The following GNG12 variants were observed in gnomAD, a reference collection of about 807,000 sequenced individuals.
GNG12 encodes the protein guanine nucleotide-binding protein G(I)/G(S)/G(O) subunit gamma-12.
For missense variants in GNG12, 69 were observed against 83.8 expected, an observed-to-expected ratio of 0.82 and a Z score of 0.69; for synonymous variants, 28 against 29.7, an observed-to-expected ratio of 0.94 and a Z score of 0.19.
At chr1:67,806,332 A>C (rs1460388627) in intron 1 of GNG12, among the ~76,000 whole-genome samples, 1 of 152,206 alleles carries the variant, frequency 6.6e-6, no homozygotes, top group African/African-American at 2.4e-5. Flanking sequence ...CATACATACA[A>C]TTGATCCTGG....
At chr1:67,803,163 C>T (rs1241859718) in intron 1 of GNG12, among the ~76,000 whole-genome samples, 1 of 152,140 alleles carries the variant, frequency 6.6e-6, no homozygotes, top group East Asian at 1.9e-4. Context: ...AAGCTCAATC[C>T]TACATCCCCA....
chr1:67,729,987 C>G (rs1646409431), intron 2 of GNG12, among the ~76,000 whole-genome samples: 2 of 152,050 alleles, frequency 1.3e-5, no homozygotes, highest in African/African-American at 4.8e-5. Context: ...AGGTGTATTC[C>G]CAACAGAAAT....
intron 2 of GNG12, among the ~76,000 whole-genome samples, chr1:67,762,985 C>T (rs78756280): frequency 0.016 from 2,457 of 151,894 alleles, 79 homozygotes; most frequent in African/African-American, 0.056. Flanking sequence ...CATGTTTTAA[C>T]TTTTATTTTG....
chr1:67,777,672 AG>A (rs1215277804), intron 1 of GNG12, among the ~76,000 whole-genome samples, 165 bp from the exon 2 acceptor site: 3 of 152,300 alleles, frequency 2.0e-5, no homozygotes, highest in Admixed American at 1.3e-4. Context: ...TTGCCAACAC[AG>A]TTTAACTTCC....
intron 2 of GNG12, among the ~76,000 whole-genome samples, chr1:67,754,123 T>C (rs1406593622): frequency 6.6e-6 from 1 of 152,112 alleles, no homozygotes; most frequent in Admixed American, 6.5e-5. Flanking sequence ...ATGTTATTTC[T>C]TTTCCTTCAT....
At chr1:67,708,052 A>G (rs1297520086) in intron 2 of GNG12, among the ~76,000 whole-genome samples, 1 of 152,256 alleles carries the variant, frequency 6.6e-6, no homozygotes, top group Admixed American at 6.5e-5. Context: ...ACCTGTGGCA[A>G]AAGTGAGCAT....
chr1:67,792,976 C>A (rs1213021890), intron 1 of GNG12, among the ~76,000 whole-genome samples: 1 of 152,150 alleles, frequency 6.6e-6, no homozygotes, highest in East Asian at 1.9e-4. Context: ...AGGGGACAGT[C>A]GTTCTCCCAG....
intron 2 of GNG12, among the ~76,000 whole-genome samples, chr1:67,747,622 T>C (rs1285693250): frequency 6.6e-6 from 1 of 152,182 alleles, no homozygotes; most frequent in Non-Finnish European, 1.5e-5. Flanking sequence ...GAGAGTGAGG[T>C]GGGCAAGTAG....
intron 1 of GNG12, among the ~76,000 whole-genome samples, chr1:67,784,842 T>C (rs527431147): frequency 6.6e-6 from 1 of 152,324 alleles, no homozygotes; most frequent in East Asian, 1.9e-4. Context: ...GCTATGATAT[T>C]GCTTCTTGGC....
chr1:67,763,861 T>C (rs1646620740), intron 2 of GNG12, among the ~76,000 whole-genome samples: 1 of 152,176 alleles, frequency 6.6e-6, no homozygotes, highest in Admixed American at 6.5e-5. Context: ...TTAACAACTT[T>C]TGTCTAAGAA....
rs1487735519 is a variant in GNG12, at chr1:67,704,199, T to C, written c.*1252A>G. 1 of 152,066 alleles carries C rather than the reference T, an allele frequency of 6.6e-6. No homozygotes were observed. The highest frequency in any genetic ancestry group is 1.5e-5 in the Non-Finnish European group (1 of 68,030). The allele number at this position is 152,066 out of a possible 1,614,324, so 9.4% of individuals were successfully genotyped here. On this transcript the variant is annotated 3_prime_UTR_variant, in exon 4 of 4. Coordinates refer to ENST00000370982, the MANE Select transcript of GNG12 (RefSeq NM_018841.6). Reference sequence around the variant, plus strand: ...TGCTAAAGCCCTTGGGCCCAAGGAGTGTACCACTGAATCCAAGGCTCTCTT... The same window carrying C: ...TGCTAAAGCCCTTGGGCCCAAGGAGCGTACCACTGAATCCAAGGCTCTCTT...
intron 2 of GNG12, among the ~76,000 whole-genome samples, chr1:67,747,110 T>A (rs527337226): frequency 6.6e-6 from 1 of 152,322 alleles, no homozygotes; most frequent in East Asian, 1.9e-4. Context: ...TTTAAAAGCA[T>A]AAAGAATCTT....
chr1:67,792,390 T>C (rs976711987), intron 1 of GNG12, among the ~76,000 whole-genome samples: 1 of 152,192 alleles, frequency 6.6e-6, no homozygotes, highest in African/African-American at 2.4e-5. Context: ...ATTATAAAAA[T>C]AAACATTTCC....
intron 1 of GNG12, among the ~76,000 whole-genome samples, chr1:67,815,123 T>A (rs1332650639): frequency 6.6e-6 from 1 of 152,152 alleles, no homozygotes; most frequent in Admixed American, 6.5e-5. Flanking sequence ...TACATGTGGA[T>A]TGGAAATTCA....
intron 1 of GNG12, among the ~76,000 whole-genome samples, chr1:67,786,933 A>ATGTGTGTG (rs1478985977): frequency 6.5e-4 from 34 of 52,118 alleles, no homozygotes; most frequent in African/African-American, 8.6e-4. Flanking sequence ...ACTTATATAT[A>ATGTGTGTG]TATGTGTGTG....
intron 2 of GNG12, among the ~76,000 whole-genome samples, chr1:67,736,279 A>G (rs1361073886): frequency 6.6e-6 from 1 of 152,072 alleles, no homozygotes; most frequent in East Asian, 1.9e-4. Flanking sequence ...AGAGTGTACA[A>G]CAACCAAAGC....
chr1:67,781,352 T>C (rs1646736359), intron 1 of GNG12, among the ~76,000 whole-genome samples: 1 of 152,142 alleles, frequency 6.6e-6, no homozygotes, highest in Non-Finnish European at 1.5e-5. Flanking sequence ...TAAGAAATAA[T>C]GACATTAATT....
At chr1:67,780,787 C>G (rs778224443) in intron 1 of GNG12, among the ~76,000 whole-genome samples, 13 of 152,224 alleles carry the variant, frequency 8.5e-5, no homozygotes, top group Non-Finnish European at 1.8e-4. Context: ...GCTTGGCAGA[C>G]TTGCTCACAC....
rs1646712675 is a variant in GNG12, at chr1:67,777,512, A to C, written c.-76-5T>G. 1 of 791,518 alleles carries C rather than the reference A, an allele frequency of 1.3e-6. No individual in the cohort carries two copies. Among genetic ancestry groups the C allele is most frequent in the Non-Finnish European group, 1.5e-6 (1 of 652,900 alleles). 49.0% of individuals were successfully genotyped at this position (791,518 alleles called of 1,614,324 possible). On this transcript the variant is annotated splice_region_variant and splice_polypyrimidine_tract_variant and intron_variant, in intron 1 of 3. Transcript: ENST00000370982. ...CAGGTTTTAAGTGGAATGAATCTGA[A>C]ATAGAATTAAATAAACATTCCATAA...
Sources: allele counts gnomAD v4.1 joint callset (sites outside exome capture counted in the v4.1 genomes callset), GRCh38; gene constraint gnomAD v4.1.1; transcripts MANE v1.5; gene names NCBI Gene and HGNC (gene_info 2026-07-23, HGNC 2026-07-21).